Variants in TNIK observed in about 807,000 individuals in gnomAD.
TNIK encodes TRAF2 and NCK-interacting protein kinase.
TNIK carries 49 observed loss-of-function variants against 191.3 expected under a neutral mutation model. The ratio of observed to expected loss-of-function variants is 0.26; its 90% CI spans 0.20 to 0.32. The LOEUF is 0.32. Ranked by LOEUF, TNIK falls within the 10% of genes least tolerant of loss-of-function variation. The probability of loss-of-function intolerance (pLI) is 1.00; values close to 1 mark genes in which losing one functional copy is unlikely to be tolerated. For missense variants in TNIK, 1,155 were observed against 1,702.3 expected, an observed-to-expected ratio of 0.68 and a Z score of 5.66; for synonymous variants, 594 against 600.9, an observed-to-expected ratio of 0.99 and a Z score of 0.17.
At chr3:171,161,699 A>G (rs1367812197) in intron 10 of TNIK, among the ~76,000 whole-genome samples, 2 of 151,912 alleles carry the variant, frequency 1.3e-5, no homozygotes. Context: ...CGGGCGGATC[A>G]CAAGGTCAGG....
chr3:171,312,136 AAAAAAG>A lies in TNIK; in HGVS notation c.123+57478_123+57483del, dbSNP rs1354615974. On this transcript the variant is annotated intron_variant, in intron 2 of 32. Transcript: ENST00000436636. ...ATTAAAAAAAAAAAAAAAAAAAAAAAAAAAAGGGCTAGACTGGCATATCTGATTTTA... is the reference window on the plus strand; with the variant it reads ...ATTAAAAAAAAAAAAAAAAAAAAAAAGGCTAGACTGGCATATCTGATTTTA... Among the ~76,000 whole-genome samples, 61 of 119,260 alleles carry A rather than the reference AAAAAAG, an allele frequency of 5.1e-4. 1 individual carries two copies. The highest frequency in any genetic ancestry group is 8.8e-4 in the Admixed American group (11 of 12,442). 78.2% of individuals were successfully genotyped at this position (119,260 alleles called of 152,430 possible).
chr3:171,063,670 A>G lies in TNIK; in HGVS notation c.*211T>C, dbSNP rs1718066530. ...GGCAGCATTCTTGGGGATCTCCTGG[A>G]AATTCCTGCCACCTTTTTCTCTCCT... On this transcript the variant is annotated 3_prime_UTR_variant, in exon 33 of 33. Transcript: ENST00000436636. 2.1e-6 allele frequency: 1 copy of G among 475,090 alleles called. No individual in the cohort carries two copies. The highest frequency in any genetic ancestry group is 3.7e-6 in the Non-Finnish European group (1 of 269,434). The allele number at this position is 475,090 out of a possible 1,614,324, so 29.4% of individuals were successfully genotyped here.
chr3:171,427,516 T>A (rs1030474088), intron 1 of TNIK, among the ~76,000 whole-genome samples: 2 of 152,156 alleles, frequency 1.3e-5, no homozygotes, highest in Non-Finnish European at 2.9e-5. Flanking sequence ...ATGCCCACCG[T>A]GCAAGGCAGT....
chr3:171,356,990 G>T (rs1714179310), intron 2 of TNIK, among the ~76,000 whole-genome samples: 1 of 152,160 alleles, frequency 6.6e-6, no homozygotes, highest in Non-Finnish European at 1.5e-5. Context: ...TCAAAAGTGT[G>T]CAATGGGCTA....
At chr3:171,107,058 C>T in intron 21 of TNIK, 125 bp downstream of exon 21, 2 of 990,490 alleles carry the variant, frequency 2.0e-6, no homozygotes, top group East Asian at 2.6e-5. Flanking sequence ...CTCCTCCCAG[C>T]AGATTGCTAC....
chr3:171,260,469 C>T (rs1279915434), intron 2 of TNIK, among the ~76,000 whole-genome samples: 1 of 152,262 alleles, frequency 6.6e-6, no homozygotes, highest in Middle Eastern at 3.4e-3. Context: ...AAGAGACACA[C>T]ACATTTTAAT....
intron 32 of TNIK, 23 bp downstream of exon 32, chr3:171,066,164 T>C: frequency 6.2e-7 from 1 of 1,611,110 alleles, no homozygotes; most frequent in Non-Finnish European, 8.5e-7. Flanking sequence ...CAAACACTAA[T>C]GCAAATGTTG....
At chr3:171,078,572 T>C (rs562226430) in intron 28 of TNIK, among the ~76,000 whole-genome samples, 35 of 152,290 alleles carry the variant, frequency 2.3e-4, no homozygotes, top group Non-Finnish European at 3.8e-4. Flanking sequence ...CCTTCCTTTC[T>C]TTCTTTTTAC....
At chr3:171,153,174 C>G (rs557293290) in intron 12 of TNIK, among the ~76,000 whole-genome samples, 1 of 152,278 alleles carries the variant, frequency 6.6e-6, no homozygotes, top group East Asian at 1.9e-4. Context: ...CCCTTTAACT[C>G]CATCCTTATG....
chr3:171,205,408 T>G (rs1442762019), intron 4 of TNIK, among the ~76,000 whole-genome samples: 1 of 152,236 alleles, frequency 6.6e-6, no homozygotes, highest in East Asian at 1.9e-4. Flanking sequence ...TGACGAGTGC[T>G]AGGCCCTTTG....
At chr3:171,428,732 C>T (rs954836809) in intron 1 of TNIK, among the ~76,000 whole-genome samples, 2 of 128,792 alleles carry the variant, frequency 1.6e-5, no homozygotes, top group African/African-American at 4.9e-5. Context: ...GCATTTGGCA[C>T]TGCCCATTAT....
intron 4 of TNIK, among the ~76,000 whole-genome samples, chr3:171,195,594 T>A (rs188067056): frequency 0.011 from 1,655 of 145,340 alleles, 28 homozygotes; most frequent in African/African-American, 0.038. Context: ...TCCTAAAAGA[T>A]ACCTCATCAG....
intron 12 of TNIK, among the ~76,000 whole-genome samples, chr3:171,150,890 G>C (rs772457199): frequency 6.6e-5 from 10 of 152,188 alleles, no homozygotes; most frequent in Non-Finnish European, 1.2e-4. Flanking sequence ...GGTACATTAA[G>C]GAATTAAGGA....
chr3:171,302,097 T>C (rs1265919156), intron 2 of TNIK, among the ~76,000 whole-genome samples: 1 of 152,142 alleles, frequency 6.6e-6, no homozygotes, highest in Non-Finnish European at 1.5e-5. Flanking sequence ...AATGTTCTAT[T>C]TTAAAAGGGG....
intron 21 of TNIK, among the ~76,000 whole-genome samples, chr3:171,104,172 CAAAGAAAAT>C (rs1724233969): frequency 6.6e-6 from 1 of 151,954 alleles, no homozygotes. Flanking sequence ...TACCTGTAGT[CAAAGAAAAT>C]TAATCTTCCA....
chr3:171,138,379 C>T lies in TNIK; in HGVS notation c.1420G>A (p.Glu474Lys). ...QLLHEQALLLEYKRKQLEEQR... is the reference protein window; with the variant it reads ...QLLHEQALLLKYKRKQLEEQR... ...TCTTCCAATTGTTTGCGCTTATATT[C>T]CTGTCCAGATCAGGAAAGAGGAGCA... The change falls in exon 15 of 33, where the codon GAA becomes AAA. Residue 474 changes from glutamate to lysine, a missense_variant and splice_region_variant. This residue lies in a region of TNIK where 735 missense variants were observed against 848.0 expected (regional missense o/e 0.87). Transcript: ENST00000436636. The T allele has an allele frequency of 6.3e-7, 1 of 1,585,788 alleles. No homozygotes were observed. Among genetic ancestry groups the T allele is most frequent in the Non-Finnish European group, 8.6e-7 (1 of 1,167,876 alleles).
intron 22 of TNIK, among the ~76,000 whole-genome samples, chr3:171,098,862 CTG>C (rs1349734698): frequency 6.6e-6 from 1 of 152,096 alleles, no homozygotes; most frequent in Non-Finnish European, 1.5e-5. Context: ...GTAGAACAGA[CTG>C]TGTATATTTT....
intron 18 of TNIK, among the ~76,000 whole-genome samples, chr3:171,121,109 TG>T (rs1253024277): frequency 2.0e-5 from 3 of 152,288 alleles, no homozygotes; most frequent in African/African-American, 7.2e-5. Context: ...TAGTCACCCT[TG>T]GGAATCACTT....
At chr3:171,348,681 G>A (rs1712650793) in intron 2 of TNIK, among the ~76,000 whole-genome samples, 1 of 152,034 alleles carries the variant, frequency 6.6e-6, no homozygotes, top group South Asian at 2.1e-4. Context: ...GGAGAAAGGG[G>A]CCCACGGAGG....
Sources: allele counts gnomAD v4.1 joint callset (sites outside exome capture counted in the v4.1 genomes callset), GRCh38; gene constraint gnomAD v4.1.1; regional missense constraint gnomAD v4.1.1; transcripts MANE v1.5; gene names NCBI Gene and HGNC (gene_info 2026-07-23, HGNC 2026-07-21).